Variants in AFF3 observed in about 807,000 individuals in gnomAD.
AFF3 encodes ALF transcription elongation factor 3.
Under a neutral mutation model 129.7 loss-of-function variants are expected in AFF3, and 32 were observed. The ratio of observed to expected loss-of-function variants is 0.25; its 90% CI spans 0.19 to 0.33. AFF3 has a LOEUF of 0.33. Ranked by LOEUF, AFF3 falls within the 10% of genes least tolerant of loss-of-function variation. The pLI, the probability that AFF3 is intolerant of heterozygous loss-of-function variation, is 1.00. For synonymous variants in AFF3, 644 were observed against 635.4 expected, an observed-to-expected ratio of 1.01 and a Z score of -0.20; for missense variants, 1,373 against 1,592.0, an observed-to-expected ratio of 0.86 and a Z score of 2.34.
intron 12 of AFF3, among the ~76,000 whole-genome samples, chr2:99,653,875 TTTTC>T (rs1267585698): frequency 0.12 from 8,139 of 65,964 alleles, 466 homozygotes; most frequent in East Asian, 0.22. Context: ...GCACTGCTTT[TTTTC>T]TTTTTTTTTT....
intron 8 of AFF3, among the ~76,000 whole-genome samples, chr2:99,794,881 T>C (rs1685452290): frequency 6.6e-6 from 1 of 152,196 alleles, no homozygotes; most frequent in Non-Finnish European, 1.5e-5. Context: ...AGTGATTTCA[T>C]ATATTTTGGG....
rs568996613 is a variant in AFF3, at chr2:99,670,100, T to G, written c.1143+2438A>C. 7.9e-5 allele frequency among the ~76,000 whole-genome samples: 12 copies of G among 152,248 alleles called. No individual in the cohort carries two copies. In the South Asian group the frequency reaches 2.5e-3, roughly 32 times the overall value. On this transcript the variant is annotated intron_variant, in intron 12 of 24. Transcript: ENST00000672756. ...GAACAGTTCAGAGGCTGGGCCAAGG[T>G]TGCAAAACTAAGTAGCAGAGTGGGG...
chr2:99,610,832 A>C (rs930924297), intron 13 of AFF3, among the ~76,000 whole-genome samples: 2 of 152,130 alleles, frequency 1.3e-5, no homozygotes, highest in African/African-American at 4.8e-5. Context: ...CTTTTGTAAA[A>C]TTTGGCATTT....
intron 11 of AFF3, among the ~76,000 whole-genome samples, chr2:99,718,697 A>G (rs1678600125): frequency 6.6e-6 from 1 of 152,098 alleles, no homozygotes; most frequent in South Asian, 2.1e-4. Flanking sequence ...TCCTGATCTT[A>G]GGAAGAAGTG....
intron 8 of AFF3, among the ~76,000 whole-genome samples, chr2:99,800,429 T>C (rs925985509): frequency 3.9e-5 from 6 of 152,162 alleles, no homozygotes; most frequent in African/African-American, 1.4e-4. Context: ...GGCAAGGATG[T>C]GGAGAAACAA....
At chr2:99,953,652 T>C (rs1676367489) in intron 7 of AFF3, among the ~76,000 whole-genome samples, 2 of 152,244 alleles carry the variant, frequency 1.3e-5, no homozygotes, top group Admixed American at 6.5e-5. Flanking sequence ...GAAAGTTATA[T>C]TGTAATACCC....
chr2:100,016,761 G>C (rs1035114688), intron 4 of AFF3, among the ~76,000 whole-genome samples: 1 of 147,634 alleles, frequency 6.8e-6, no homozygotes, highest in Non-Finnish European at 1.5e-5. Flanking sequence ...GTTAGTGACA[G>C]TAGTAGTGAT....
chr2:99,789,731 C>T (rs1685064137), intron 8 of AFF3, among the ~76,000 whole-genome samples: 1 of 152,146 alleles, frequency 6.6e-6, no homozygotes, highest in Non-Finnish European at 1.5e-5. Flanking sequence ...TGATATTGCT[C>T]GAGGATTCGG....
At chr2:99,819,543 C>G (rs184785463) in intron 8 of AFF3, among the ~76,000 whole-genome samples, 1 of 152,220 alleles carries the variant, frequency 6.6e-6, no homozygotes, top group African/African-American at 2.4e-5. Flanking sequence ...TTTACCTCCA[C>G]AACCACATTT....
At chr2:99,792,724 T>C (rs981099267) in intron 8 of AFF3, among the ~76,000 whole-genome samples, 1 of 152,218 alleles carries the variant, frequency 6.6e-6, no homozygotes, top group African/African-American at 2.4e-5. Context: ...GATTGAAATA[T>C]TCATATAATT....
chr2:99,929,984 T>G (rs1444870443), intron 7 of AFF3, among the ~76,000 whole-genome samples: 1 of 151,870 alleles, frequency 6.6e-6, no homozygotes, highest in Non-Finnish European at 1.5e-5. Flanking sequence ...CAGACAGTCT[T>G]GGGATATTAA....
chr2:99,557,205 A>T (rs770073989), intron 22 of AFF3, among the ~76,000 whole-genome samples: 27 of 152,092 alleles, frequency 1.8e-4, no homozygotes, highest in Non-Finnish European at 2.8e-4. Context: ...AAAAAATTTT[A>T]AAAATAGCTT....
At chr2:99,552,594 G>A (rs1674509921) in intron 24 of AFF3, among the ~76,000 whole-genome samples, 1 of 152,200 alleles carries the variant, frequency 6.6e-6, no homozygotes, top group Non-Finnish European at 1.5e-5. Flanking sequence ...TCTGGGAGAA[G>A]TGTCTCAAAG....
chr2:99,793,834 T>G (rs1685377811), intron 8 of AFF3, among the ~76,000 whole-genome samples: 1 of 152,208 alleles, frequency 6.6e-6, no homozygotes, highest in Non-Finnish European at 1.5e-5. Flanking sequence ...TAATTTACTC[T>G]TTGTACTTGA....
intron 4 of AFF3, among the ~76,000 whole-genome samples, chr2:100,038,201 G>A (rs1685130191): frequency 1.3e-5 from 2 of 151,922 alleles, no homozygotes; most frequent in Admixed American, 6.6e-5. Flanking sequence ...CACCTCAGCT[G>A]GGCTGGCACA....
intron 4 of AFF3, among the ~76,000 whole-genome samples, chr2:100,087,883 A>C (rs879029637): frequency 7.0e-6 from 1 of 143,062 alleles, no homozygotes; most frequent in East Asian, 2.0e-4. Context: ...AGATTAAAGT[A>C]TATTAAAGTA....
intron 8 of AFF3, among the ~76,000 whole-genome samples, chr2:99,780,587 A>G (rs1281043385): frequency 1.3e-5 from 2 of 152,150 alleles, no homozygotes; most frequent in African/African-American, 2.4e-5. Context: ...CTCCACTCTG[A>G]TATCTGAATA....
chr2:100,060,843 T>C (rs2105226730), intron 4 of AFF3, among the ~76,000 whole-genome samples: 1 of 152,296 alleles, frequency 6.6e-6, no homozygotes, highest in South Asian at 2.1e-4. Flanking sequence ...TTCCCCTTAA[T>C]GTCCTTTTCT....
intron 8 of AFF3, among the ~76,000 whole-genome samples, chr2:99,790,426 G>C (rs558232515): frequency 6.6e-6 from 1 of 152,216 alleles, no homozygotes; most frequent in Non-Finnish European, 1.5e-5. Flanking sequence ...CCTAGTGAAT[G>C]AATGAAAGAT....
Sources: gnomAD v4.1 joint callset for allele counts (sites outside exome capture counted in the v4.1 genomes callset) on GRCh38, gnomAD v4.1.1 for gene constraint, MANE v1.5 for transcripts, NCBI Gene and HGNC (gene_info 2026-07-23, HGNC 2026-07-21) for gene names.